RFFL: variants seen among roughly 807,000 people sequenced by gnomAD.
RFFL encodes ring finger and FYVE like domain containing E3 ubiquitin protein ligase.
Under a neutral mutation model 40.4 loss-of-function variants are expected in RFFL, and 16 were observed. The ratio of observed to expected loss-of-function variants is 0.40; its 90% CI spans 0.27 to 0.60. The LOEUF (loss-of-function observed/expected upper bound fraction) is 0.60. RFFL is among the 20% of genes least tolerant of loss of function. The pLI is 0.47. For missense variants in RFFL, 367 were observed against 451.7 expected (o/e 0.81, Z 1.70); for synonymous variants, 154 against 167.9 (o/e 0.92, Z 0.64).
chr17:35,073,096 C>G (rs2091359441), intron 1 of RFFL, among the ~76,000 whole-genome samples: 1 of 151,058 alleles, frequency 6.6e-6, no homozygotes, highest in African/African-American at 2.4e-5. Context: ...CTACGGGGAG[C>G]TAAAAAAGGC....
intron 2 of RFFL, among the ~76,000 whole-genome samples, chr17:35,022,907 G>C (rs2091018499): frequency 6.6e-6 from 1 of 152,234 alleles, no homozygotes; most frequent in Non-Finnish European, 1.5e-5. Flanking sequence ...TGGGCAAGCT[G>C]GTACTGCCTG....
intron 1 of RFFL, among the ~76,000 whole-genome samples, chr17:35,078,544 T>C (rs991317093): frequency 6.6e-6 from 1 of 152,190 alleles, no homozygotes; most frequent in Non-Finnish European, 1.5e-5. Context: ...TCCAGTGATC[T>C]GCCTGCCTTG....
chr17:35,084,727 T>TA lies in RFFL; in HGVS notation c.-9+4377dup, dbSNP rs71366407. 9.3e-3 allele frequency among the ~76,000 whole-genome samples: 1,350 copies of TA among 144,652 alleles called. 12 individuals carry two copies. Among genetic ancestry groups the TA allele is most frequent in the African/African-American group, 0.029 (1,129 of 39,494 alleles). The allele number at this position is 144,652 out of a possible 152,430, so 94.9% of individuals were successfully genotyped here. A position where few individuals can be genotyped will look rare whatever the true frequency, so the allele number is the denominator to read the frequency against. ...CAATGTAGTGAAAACCCGTCTCTACTAAAAAAAAAAATGCAAAAATTAGCT... is the reference window on the plus strand; with the variant it reads ...CAATGTAGTGAAAACCCGTCTCTACTAAAAAAAAAAAATGCAAAAATTAGCT... On this transcript the variant is annotated intron_variant, in intron 1 of 6. Coordinates refer to the RFFL transcript ENST00000315249.
At chr17:35,028,749 G>A (rs2091061038) in intron 1 of RFFL, among the ~76,000 whole-genome samples, 1 of 151,966 alleles carries the variant, frequency 6.6e-6, no homozygotes, top group South Asian at 2.1e-4. Flanking sequence ...TTATTTCATC[G>A]AGGAAAAAAG....
intron 2 of RFFL, among the ~76,000 whole-genome samples, chr17:35,024,387 C>G (rs2091028360): frequency 6.6e-6 from 1 of 152,172 alleles, no homozygotes; most frequent in African/African-American, 2.4e-5. Flanking sequence ...ACTCTGAGAT[C>G]TGAATATCAC....
At chr17:35,048,924 G>C (rs1222796284) in intron 1 of RFFL, among the ~76,000 whole-genome samples, 1 of 152,138 alleles carries the variant, frequency 6.6e-6, no homozygotes, top group African/African-American at 2.4e-5. Flanking sequence ...CCTGCCAGGA[G>C]GATGTGATCT....
chr17:35,078,367 A>G (rs996268453), intron 1 of RFFL, among the ~76,000 whole-genome samples: 1 of 152,200 alleles, frequency 6.6e-6, no homozygotes, highest in Non-Finnish European at 1.5e-5. Flanking sequence ...CAGTTGTGCA[A>G]CCATAGTTCA....
intron 2 of RFFL, among the ~76,000 whole-genome samples, chr17:35,024,696 G>T (rs187509593): frequency 5.3e-5 from 8 of 152,298 alleles, no homozygotes; most frequent in East Asian, 1.9e-4. Flanking sequence ...ATAAGGAAAA[G>T]AAAAAGATAG....
chr17:35,034,997 G>C (rs1406980711), intron 1 of RFFL, among the ~76,000 whole-genome samples: 1 of 152,168 alleles, frequency 6.6e-6, no homozygotes, highest in African/African-American at 2.4e-5. Flanking sequence ...GGAGTCAAGA[G>C]AACCCATCTT....
Position 35,016,425 on chromosome 17 carries a change from C to T in RFFL, c.831G>A (p.Glu277=). ...VNYKGCCEKW[E]LMERVTRLYK... ...ATAGCCGGGTCACTCTCTCCATCAG[C>T]TCCCACTTCTCACAGCAGCCCTTGT... The change falls in exon 5 of 7, where the codon GAG becomes GAA. Residue 277 remains glutamate, a synonymous_variant. Coordinates refer to ENST00000394597, the MANE Select transcript of RFFL (RefSeq NM_001017368.2). 1.9e-6 allele frequency: 3 copies of T among 1,614,198 alleles called. No individual in the cohort carries two copies. The highest frequency in any genetic ancestry group is 2.5e-6 in the Non-Finnish European group (3 of 1,180,020).
intron 1 of RFFL, among the ~76,000 whole-genome samples, chr17:35,061,017 T>C (rs2091288177): frequency 6.6e-6 from 1 of 152,078 alleles, no homozygotes; most frequent in Non-Finnish European, 1.5e-5. Context: ...CTAAAAGACA[T>C]GGTATATCCA....
chr17:35,073,976 G>T (rs931070835), intron 1 of RFFL: 1 of 152,172 alleles, frequency 6.6e-6, no homozygotes, highest in Non-Finnish European at 1.5e-5. Flanking sequence ...TAAGTAACAA[G>T]TATTGCTAAC....
chr17:35,049,149 T>G (rs115000179), intron 1 of RFFL, among the ~76,000 whole-genome samples: 1,769 of 152,248 alleles, frequency 0.012, 35 homozygotes, highest in African/African-American at 0.039. Context: ...AAGACACCTG[T>G]GCTGATAGCA....
chr17:35,019,036 C>T (rs151272132), intron 3 of RFFL: 1 of 152,360 alleles, frequency 6.6e-6, no homozygotes, highest in East Asian at 1.9e-4. Context: ...CCTTGCCTAG[C>T]AACTATTGAT....
upstream of RFFL, among the ~76,000 whole-genome samples, chr17:35,068,522 C>A (rs904308112): frequency 6.6e-6 from 1 of 152,230 alleles, no homozygotes; most frequent in African/African-American, 2.4e-5. Context: ...AAAACAACCC[C>A]CCAGTTGTGT....
chr17:35,049,667 T>A (rs1381844468), intron 1 of RFFL, among the ~76,000 whole-genome samples: 2 of 151,454 alleles, frequency 1.3e-5, no homozygotes, highest in Non-Finnish European at 2.9e-5. Flanking sequence ...TCAAAGAGAG[T>A]TTGAATTCAA....
At position 35,010,646 on chromosome 17, in the gene RFFL, G is replaced by T. The variant is rs1247480535; in HGVS notation, c.*1322C>A. 1.3e-5 allele frequency: 2 copies of T among 152,168 alleles called. No individual in the cohort carries two copies. Among genetic ancestry groups the T allele is most frequent in the Non-Finnish European group, 2.9e-5 (2 of 68,208 alleles). The allele number at this position is 152,168 out of a possible 1,614,324, so 9.4% of individuals were successfully genotyped here. ...GGGCGCCTATAATCCCAGCTACTCTGGAGGCTAAGGCAGGAGAATAGCTTG... is the reference window on the plus strand; with the variant it reads ...GGGCGCCTATAATCCCAGCTACTCTTGAGGCTAAGGCAGGAGAATAGCTTG... On this transcript the variant is annotated 3_prime_UTR_variant, in exon 7 of 7. Transcript: ENST00000394597.
chr17:35,014,835 ACAT>A lies in RFFL; in HGVS notation c.887-75_887-73del, dbSNP rs2090964006. On this transcript the variant is annotated intron_variant, in intron 5 of 6. Transcript: ENST00000394597. ...ACAAATACAGTCTCTTACTGCCCTG[ACAT>A]CATTTCTGAACTCTTACCACTCCCT... The A allele has an allele frequency of 4.8e-6, 7 of 1,454,368 alleles. No homozygotes were observed. The Admixed American group carries it at 1.2e-4, about 24-fold the overall frequency. The allele number at this position is 1,454,368 out of a possible 1,614,324, so 90.1% of individuals were successfully genotyped here.
chr17:35,086,629 GCTC>G (rs1287730313), intron 1 of RFFL, among the ~76,000 whole-genome samples: 1 of 152,044 alleles, frequency 6.6e-6, no homozygotes, highest in African/African-American at 2.4e-5. Flanking sequence ...CAATGAAGCA[GCTC>G]CTCACTTGAG....
Sources: allele counts gnomAD v4.1 joint callset (sites outside exome capture counted in the v4.1 genomes callset), GRCh38; gene constraint gnomAD v4.1.1; transcripts MANE v1.5; gene names NCBI Gene and HGNC (gene_info 2026-07-23, HGNC 2026-07-21).